The following PTPRM variants were observed in gnomAD, a reference collection of about 807,000 sequenced individuals.
PTPRM encodes receptor-type tyrosine-protein phosphatase mu.
PTPRM carries 47 observed loss-of-function variants against 186.7 expected under a neutral mutation model. The observed-to-expected ratio is 0.25, with a 90% CI of 0.20 to 0.32. The LOEUF (loss-of-function observed/expected upper bound fraction) is 0.32, where lower values mean the gene tolerates loss of function less well. Ranked by LOEUF, PTPRM falls within the 10% of genes least tolerant of loss-of-function variation. The pLI, the probability that PTPRM is intolerant of heterozygous loss-of-function variation, is 1.00. For missense variants in PTPRM, 1,494 were observed against 1,865.0 expected, an observed-to-expected ratio of 0.80 and a Z score of 3.66; for synonymous variants, 668 against 674.9, an observed-to-expected ratio of 0.99 and a Z score of 0.16.
chr18:8,316,531 G>A (rs1049267486), intron 21 of PTPRM, among the ~76,000 whole-genome samples: 4 of 152,128 alleles, frequency 2.6e-5, no homozygotes, highest in Non-Finnish European at 5.9e-5. Flanking sequence ...AATACTGAGG[G>A]CCTCTTTATT....
At chr18:8,124,292 C>T (rs1217730803) in intron 13 of PTPRM, among the ~76,000 whole-genome samples, 2 of 152,168 alleles carry the variant, frequency 1.3e-5, no homozygotes, top group African/African-American at 4.8e-5. Flanking sequence ...GTTAGTCTTA[C>T]CCAGATAAAT....
chr18:7,752,442 A>G (rs997055282), intron 1 of PTPRM, among the ~76,000 whole-genome samples: 3 of 152,096 alleles, frequency 2.0e-5, no homozygotes, highest in Non-Finnish European at 4.4e-5. Flanking sequence ...ATTTTTTAAG[A>G]CGGAGTCTCT....
chr18:8,390,602 G>A (rs2095804647), intron 31 of PTPRM, among the ~76,000 whole-genome samples: 1 of 152,104 alleles, frequency 6.6e-6, no homozygotes, highest in Admixed American at 6.5e-5. Context: ...TTATTAAATG[G>A]GCAAAAAACT....
At chr18:7,993,138 C>T (rs926873649) in intron 7 of PTPRM, among the ~76,000 whole-genome samples, 2 of 151,486 alleles carry the variant, frequency 1.3e-5, no homozygotes, top group East Asian at 3.9e-4. Flanking sequence ...GAAAGAATGA[C>T]TAAAGTTAAA....
At chr18:7,654,999 A>G (rs2038814359) in intron 1 of PTPRM, among the ~76,000 whole-genome samples, 1 of 152,148 alleles carries the variant, frequency 6.6e-6, no homozygotes, top group South Asian at 2.1e-4. Flanking sequence ...TGTCAGTGGT[A>G]GTTTACTAAG....
At chr18:8,206,871 A>G (rs1205387800) in intron 14 of PTPRM, among the ~76,000 whole-genome samples, 1 of 152,132 alleles carries the variant, frequency 6.6e-6, no homozygotes, top group African/African-American at 2.4e-5. Flanking sequence ...GGAAATTGAG[A>G]CACAGGGAGA....
intron 4 of PTPRM, among the ~76,000 whole-genome samples, chr18:7,911,182 T>C (rs1382221868): frequency 1.3e-5 from 2 of 152,236 alleles, no homozygotes; most frequent in Non-Finnish European, 2.9e-5. Context: ...CATCAGTTGA[T>C]GGACATTCAG....
intron 14 of PTPRM, among the ~76,000 whole-genome samples, chr18:8,201,553 C>A (rs113713565): frequency 9.8e-4 from 149 of 152,246 alleles, no homozygotes; most frequent in African/African-American, 3.4e-3. Flanking sequence ...GACTGGGTGG[C>A]TTAAACAATG....
intron 14 of PTPRM, among the ~76,000 whole-genome samples, chr18:8,177,551 G>A (rs995133373): frequency 2.6e-5 from 4 of 152,170 alleles, no homozygotes; most frequent in Admixed American, 1.3e-4. Flanking sequence ...GCTAAGGCTT[G>A]TTATACTTGT....
chr18:8,400,157 C>T (rs2095864505), intron 32 of PTPRM, among the ~76,000 whole-genome samples: 1 of 152,216 alleles, frequency 6.6e-6, no homozygotes, highest in African/African-American at 2.4e-5. Context: ...CGTCCACCAT[C>T]ACGTGCCTTG....
intron 14 of PTPRM, among the ~76,000 whole-genome samples, chr18:8,169,197 T>G (rs1449524567): frequency 9.2e-5 from 14 of 152,266 alleles, no homozygotes; most frequent in African/African-American, 3.1e-4. Context: ...ACCCGAGTCC[T>G]ATTTTCTCCA....
At chr18:7,732,286 A>G (rs945828659) in intron 1 of PTPRM, among the ~76,000 whole-genome samples, 4 of 152,106 alleles carry the variant, frequency 2.6e-5, no homozygotes, top group Admixed American at 2.0e-4. Flanking sequence ...AAGGGCCAGT[A>G]TGAGCTGGCT....
chr18:7,722,959 A>C (rs2040476752), intron 1 of PTPRM, among the ~76,000 whole-genome samples: 2 of 152,196 alleles, frequency 1.3e-5, no homozygotes, highest in African/African-American at 4.8e-5. Flanking sequence ...CCACTTGAAA[A>C]CCAAAAACTC....
At chr18:7,685,202 C>A (rs1371777845) in intron 1 of PTPRM, among the ~76,000 whole-genome samples, 1 of 152,150 alleles carries the variant, frequency 6.6e-6, no homozygotes, top group African/African-American at 2.4e-5. Flanking sequence ...TCTCAGAATG[C>A]CTCCAAGTGC....
At position 8,386,615 on chromosome 18, in the gene PTPRM, G is replaced by A. The variant is rs376079382; in HGVS notation, c.4045-457G>A. On this transcript the variant is annotated intron_variant, in intron 30 of 32. Transcript: ENST00000580170. ...TATGACTAAGGATTAATTAACTATT[G>A]CTATCTTAGCAAGATTCAACATCAA... 1.6e-4 allele frequency among the ~76,000 whole-genome samples: 25 copies of A among 152,214 alleles called. No homozygotes were observed. The South Asian group carries it at 5.0e-3, about 30-fold the overall frequency.
Position 7,831,812 on chromosome 18 carries a change from C to T in PTPRM, c.197-56294C>T, listed in dbSNP as rs78825754. Among the ~76,000 whole-genome samples, 111 of 152,254 alleles carry T rather than the reference C, an allele frequency of 7.3e-4. 5 individuals carry two copies. In the East Asian group the frequency reaches 0.017, roughly 24 times the overall value. ...CCAGCCTCTAGTAACTATCATTCTA[C>T]CCTCTGTCTCCATGAGTTCAATTGT... On this transcript the variant is annotated intron_variant, in intron 2 of 32. Coordinates refer to ENST00000580170, the MANE Select transcript of PTPRM (RefSeq NM_001105244.2).
intron 23 of PTPRM, among the ~76,000 whole-genome samples, chr18:8,365,474 T>C (rs750171563): frequency 2.0e-5 from 3 of 152,226 alleles, no homozygotes; most frequent in Non-Finnish European, 2.9e-5. Flanking sequence ...GGATGGGAGT[T>C]GCAATGATCT....
intron 1 of PTPRM, among the ~76,000 whole-genome samples, chr18:7,688,983 A>G (rs1026602953): frequency 6.6e-6 from 1 of 152,182 alleles, no homozygotes; most frequent in African/African-American, 2.4e-5. Flanking sequence ...ATCTAGCTTT[A>G]AGAATTTCAG....
At chr18:7,880,405 C>T (rs2048447095) in intron 2 of PTPRM, among the ~76,000 whole-genome samples, 1 of 152,108 alleles carries the variant, frequency 6.6e-6, no homozygotes. Context: ...CAAGAAGAGA[C>T]AGGGCAAACG....
Sources: gnomAD v4.1 joint callset for allele counts (sites outside exome capture counted in the v4.1 genomes callset) on GRCh38, gnomAD v4.1.1 for gene constraint, MANE v1.5 for transcripts, NCBI Gene and HGNC (gene_info 2026-07-23, HGNC 2026-07-21) for gene names.